Variants in TSHZ3 observed in about 807,000 individuals in gnomAD.
TSHZ3 encodes teashirt zinc finger homeobox 3.
A neutral mutation model predicts 64.5 loss-of-function variants in TSHZ3; 10 were observed. The observed-to-expected ratio is 0.16, with a 90% CI of 0.10 to 0.26. The LOEUF (loss-of-function observed/expected upper bound fraction) is 0.26, where lower values mean the gene tolerates loss of function less well. TSHZ3 is among the 10% of genes least tolerant of loss of function. TSHZ3 has a pLI of 1.00. For missense variants in TSHZ3, 1,242 were observed against 1,421.7 expected (o/e 0.87, Z 2.03); for synonymous variants, 608 against 593.1 (o/e 1.03, Z -0.36).
At chr19:31,312,035 C>T (rs10417823) in intron 1 of TSHZ3, among the ~76,000 whole-genome samples, 3,018 of 152,286 alleles carry the variant, frequency 0.02, 101 homozygotes, top group African/African-American at 0.069. Context: ...AGCCACTCCT[C>T]TTTAAATCCT....
intron 3 of TSHZ3, among the ~76,000 whole-genome samples, chr19:31,230,888 G>C (rs140596093): frequency 6.6e-6 from 1 of 151,212 alleles, no homozygotes; most frequent in South Asian, 2.1e-4. Context: ...ATTTTTAGTA[G>C]AGACGGGGTT....
intron 5 of TSHZ3, among the ~76,000 whole-genome samples, chr19:31,203,447 G>T (rs550321817): frequency 3.5e-4 from 53 of 152,028 alleles, no homozygotes; most frequent in African/African-American, 1.2e-3. Flanking sequence ...TGTTTTAAAG[G>T]ATCTCTCTGG....
At position 31,278,790 on chromosome 19, in the gene TSHZ3, C is replaced by T. The variant is rs757928110; in HGVS notation, c.1003G>A (p.Asp335Asn). Residue 335 changes from aspartate to asparagine, a missense_variant, in exon 2 of 2, where the codon GAT becomes AAT. Transcript: ENST00000240587. This position sits in a 1 kb window ranked among gnomAD's most constrained non-coding sequence, Gnocchi z 4.7. Reference protein sequence around the residue: ...SLELELPSSPDSTGGTPKATI... With the variant: ...SLELELPSSPNSTGGTPKATI... ...GCTTTGGGGGTTCCACCTGTGGAAT[C>T]TGGGGAGCTGGGGAGCTCCAGCTCC... 6.2e-7 allele frequency: 1 copy of T among 1,614,128 alleles called. No homozygotes were observed. Among genetic ancestry groups the T allele is most frequent in the South Asian group, 1.1e-5 (1 of 91,084 alleles).
rs756750476 is a variant in TSHZ3, at chr19:31,277,891, C to T, written c.1902G>A (p.Lys634=). ...VEEKMKEPDG[K]LSPPKRATPS... The stretch of plus-strand genomic sequence containing the variant: ...GAGTGGCCCGCTTGGGCGGGGAAAG[C>T]TTCCCATCCGGCTCCTTCATCTTCT... Residue 634 remains lysine, a synonymous_variant, in exon 2 of 2, where the codon AAG becomes AAA. Coordinates refer to ENST00000240587, the MANE Select transcript of TSHZ3 (RefSeq NM_020856.4). This position sits in a 1 kb window ranked among gnomAD's most constrained non-coding sequence, Gnocchi z 4.5. 1 of 1,612,466 alleles carries T rather than the reference C, an allele frequency of 6.2e-7. No homozygotes were observed. The highest frequency in any genetic ancestry group is 2.2e-5 in the East Asian group (1 of 44,874).
chr19:31,159,335 C>T (rs1036799365), intron 5 of TSHZ3, among the ~76,000 whole-genome samples: 1 of 152,130 alleles, frequency 6.6e-6, no homozygotes, highest in African/African-American at 2.4e-5. Context: ...TTCGTGATTA[C>T]AGATTATCTA....
downstream of TSHZ3, among the ~76,000 whole-genome samples, chr19:31,270,476 C>T (rs56372526): frequency 0.014 from 2,201 of 152,228 alleles, 57 homozygotes; most frequent in African/African-American, 0.05. Flanking sequence ...CAGCTAATTT[C>T]TATTTTTTAT....
chr19:31,266,637 G>A (rs1976057114), intron 1 of TSHZ3, among the ~76,000 whole-genome samples: 1 of 152,170 alleles, frequency 6.6e-6, no homozygotes, highest in Non-Finnish European at 1.5e-5. Context: ...GAAGGCAAGA[G>A]AGCAACACCC....
chr19:31,235,500 A>C (rs538437748), intron 3 of TSHZ3, among the ~76,000 whole-genome samples: 1 of 152,002 alleles, frequency 6.6e-6, no homozygotes, highest in Non-Finnish European at 1.5e-5. Flanking sequence ...CTCCAGGTTC[A>C]TCCATGTTGT....
intron 1 of TSHZ3, among the ~76,000 whole-genome samples, chr19:31,260,636 G>T (rs1302751358): frequency 1.3e-5 from 2 of 152,222 alleles, no homozygotes; most frequent in Non-Finnish European, 2.9e-5. Context: ...ACGCACCTTT[G>T]TTGAGCATCT....
chr19:31,281,416 G>A (rs1466323073), intron 1 of TSHZ3, among the ~76,000 whole-genome samples: 1 of 152,118 alleles, frequency 6.6e-6, no homozygotes, highest in Non-Finnish European at 1.5e-5. Flanking sequence ...ACTTGGATGG[G>A]AACTGCCCCA....
chr19:31,293,548 G>A (rs1335469940), intron 1 of TSHZ3, among the ~76,000 whole-genome samples: 1 of 152,140 alleles, frequency 6.6e-6, no homozygotes, highest in Non-Finnish European at 1.5e-5. Flanking sequence ...CCAAGGTCCT[G>A]CTCATTCCAT....
chr19:31,287,143 A>G (rs567213290), intron 1 of TSHZ3, among the ~76,000 whole-genome samples: 1 of 152,214 alleles, frequency 6.6e-6, no homozygotes, highest in African/African-American at 2.4e-5. Context: ...CGGATGGGCA[A>G]GTCGTGGGTG....
chr19:31,162,702 T>C (rs1384402891), intron 5 of TSHZ3, among the ~76,000 whole-genome samples: 1 of 152,188 alleles, frequency 6.6e-6, no homozygotes, highest in African/African-American at 2.4e-5. Context: ...GTGAAATGTC[T>C]TTGTTATCCC....
At chr19:31,286,903 G>C (rs548363972) in intron 1 of TSHZ3, among the ~76,000 whole-genome samples, 5 of 152,212 alleles carry the variant, frequency 3.3e-5, no homozygotes, top group Non-Finnish European at 7.3e-5. Context: ...TGGCCATCAA[G>C]GGTCTGGAGA....
In TSHZ3 at chr19:31,276,519, C is replaced by T. The variant is rs771026299; in HGVS notation, c.*28G>A. On this transcript the variant is annotated 3_prime_UTR_variant, in exon 2 of 2. Transcript: ENST00000240587. ...CTTCCACAGTTTCCCTCAAAGCAAA[C>T]TGCAGTCCTTTCTATCAAAAGCAAA... The T allele has an allele frequency of 2.0e-6, 3 of 1,524,434 alleles. No homozygotes were observed. In the East Asian group the frequency reaches 6.8e-5, roughly 35 times the overall value. 94.4% of individuals were successfully genotyped at this position (1,524,434 alleles called of 1,614,324 possible). A position where few individuals can be genotyped will look rare whatever the true frequency, so the allele number is the denominator to read the frequency against.
chr19:31,188,224 T>C (rs1181601172), intron 5 of TSHZ3, among the ~76,000 whole-genome samples: 4 of 151,914 alleles, frequency 2.6e-5, no homozygotes, highest in African/African-American at 9.7e-5. Flanking sequence ...TTTCCAGAAT[T>C]GATCTTATCT....
At chr19:31,155,049 G>C (rs1424858655) in intron 6 of TSHZ3, among the ~76,000 whole-genome samples, 1 of 152,224 alleles carries the variant, frequency 6.6e-6, no homozygotes, top group Non-Finnish European at 1.5e-5. Flanking sequence ...TTCAACAGTG[G>C]TTCTTGGAGA....
intron 1 of TSHZ3, among the ~76,000 whole-genome samples, chr19:31,312,718 G>A (rs1599641889): frequency 2.6e-5 from 4 of 152,254 alleles, no homozygotes; most frequent in African/African-American, 9.6e-5. Flanking sequence ...GAATCACACG[G>A]TAATAAATTA....
intron 6 of TSHZ3, among the ~76,000 whole-genome samples, chr19:31,154,819 G>A (rs911170310): frequency 6.6e-6 from 1 of 150,756 alleles, no homozygotes; most frequent in Non-Finnish European, 1.5e-5. Flanking sequence ...TAGCCTTCAG[G>A]CTGTTTTAGG....
Sources: gnomAD v4.1 joint callset for allele counts (sites outside exome capture counted in the v4.1 genomes callset) on GRCh38, gnomAD v4.1.1 for gene constraint, Gnocchi (gnomAD v3.1) non-coding constraint, MANE v1.5 for transcripts, NCBI Gene and HGNC (gene_info 2026-07-23, HGNC 2026-07-21) for gene names.